Variants in KAZN observed in about 807,000 individuals in gnomAD.
KAZN encodes kazrin, periplakin interacting protein.
A neutral mutation model predicts 87.4 loss-of-function variants in KAZN; 40 were observed. That is an observed-to-expected ratio of 0.46 (90% CI 0.36 to 0.60). The LOEUF (loss-of-function observed/expected upper bound fraction) is 0.60. KAZN is among the 20% of genes least tolerant of loss of function. The pLI, the probability that KAZN is intolerant of heterozygous loss-of-function variation, is 0.00. For missense variants in KAZN, 898 were observed against 1,073.9 expected, an observed-to-expected ratio of 0.84 and a Z score of 2.29; for synonymous variants, 466 against 458.3, an observed-to-expected ratio of 1.02 and a Z score of -0.22.
At chr1:15,014,886 C>G (rs950416852) in intron 2 of KAZN, among the ~76,000 whole-genome samples, 1 of 152,108 alleles carries the variant, frequency 6.6e-6, no homozygotes, top group Non-Finnish European at 1.5e-5. Flanking sequence ...GTTGTTTTCT[C>G]GGGTCATGAG....
chr1:14,269,674 A>G (rs1651770969), intron 2 of KAZN, among the ~76,000 whole-genome samples: 1 of 152,196 alleles, frequency 6.6e-6, no homozygotes, highest in South Asian at 2.1e-4. Context: ...AAGTTGTGGA[A>G]AATTCCGTGT....
intron 2 of KAZN, among the ~76,000 whole-genome samples, chr1:14,411,492 T>C (rs112819290): frequency 0.023 from 3,505 of 152,286 alleles, 125 homozygotes; most frequent in African/African-American, 0.078. Flanking sequence ...GATGGGGTTT[T>C]GCCATGTTGG....
intron 1 of KAZN, among the ~76,000 whole-genome samples, chr1:14,129,898 C>T (rs998445637): frequency 2.0e-5 from 3 of 152,168 alleles, no homozygotes; most frequent in Non-Finnish European, 1.5e-5. Flanking sequence ...GGATGAAACT[C>T]GTTTGATCAC....
At chr1:14,698,351 G>A (rs925585113) in intron 1 of KAZN, among the ~76,000 whole-genome samples, 9 of 152,164 alleles carry the variant, frequency 5.9e-5, no homozygotes, top group African/African-American at 1.4e-4. Flanking sequence ...GGCATCTGCC[G>A]CTTGATGCCA....
At chr1:14,382,185 T>C (rs1002177346) in intron 2 of KAZN, among the ~76,000 whole-genome samples, 50 of 152,102 alleles carry the variant, frequency 3.3e-4, no homozygotes, top group African/African-American at 1.1e-3. Context: ...AAAAAAGATA[T>C]TCCATTTTCA....
intron 2 of KAZN, among the ~76,000 whole-genome samples, chr1:14,538,084 T>C (rs2211180): frequency 0.96 from 146,192 of 152,212 alleles, 70,483 homozygotes; most frequent in East Asian, 1. Flanking sequence ...GCCAAGGACC[T>C]GAGGCATCTG....
chr1:14,138,923 A>G (rs1645170897), intron 1 of KAZN, among the ~76,000 whole-genome samples: 1 of 152,226 alleles, frequency 6.6e-6, no homozygotes, highest in Non-Finnish European at 1.5e-5. Context: ...AGGGAGATTT[A>G]GAATCATACA....
chr1:14,137,706 T>TGC (rs1645139941), intron 1 of KAZN, among the ~76,000 whole-genome samples: 1 of 144,168 alleles, frequency 6.9e-6, no homozygotes, highest in Non-Finnish European at 1.5e-5. Context: ...TAAGGCTTTT[T>TGC]TTTTTTTTTT....
chr1:14,525,674 C>T (rs1038289287), intron 2 of KAZN, among the ~76,000 whole-genome samples: 2 of 147,110 alleles, frequency 1.4e-5, no homozygotes, highest in African/African-American at 2.4e-5. Context: ...GAATGCATTT[C>T]CCATAGGAAA....
At chr1:14,591,238 G>A (rs1210180879) in intron 2 of KAZN, among the ~76,000 whole-genome samples, 1 of 152,102 alleles carries the variant, frequency 6.6e-6, no homozygotes, top group Non-Finnish European at 1.5e-5. Flanking sequence ...ATGCCCAGGG[G>A]TTGAACCAGG....
At chr1:13,979,029 G>A (rs1424125694) in intron 1 of KAZN, among the ~76,000 whole-genome samples, 1 of 151,932 alleles carries the variant, frequency 6.6e-6, no homozygotes, top group African/African-American at 2.4e-5. Context: ...CTGGAAGGTT[G>A]AGGCTGCAGT....
intron 1 of KAZN, among the ~76,000 whole-genome samples, chr1:14,750,531 A>T (rs574485779): frequency 6.6e-6 from 1 of 151,656 alleles, no homozygotes; most frequent in Non-Finnish European, 1.5e-5. Flanking sequence ...ATAATCTGGG[A>T]TGCTCATTAG....
At chr1:14,873,736 G>A (rs1652440198) in intron 1 of KAZN, among the ~76,000 whole-genome samples, 1 of 152,192 alleles carries the variant, frequency 6.6e-6, no homozygotes, top group Non-Finnish European at 1.5e-5. Context: ...AAAGGCAGGT[G>A]CCGGAGACAA....
chr1:14,721,574 TGAGTA>T (rs1643108879), intron 1 of KAZN, among the ~76,000 whole-genome samples: 1 of 152,190 alleles, frequency 6.6e-6, no homozygotes, highest in Non-Finnish European at 1.5e-5. Flanking sequence ...CTGGTTGTGT[TGAGTA>T]TTTACCTCAA....
chr1:14,258,002 A>AG (rs1472124365), intron 2 of KAZN, among the ~76,000 whole-genome samples: 1 of 148,430 alleles, frequency 6.7e-6, no homozygotes, highest in Non-Finnish European at 1.5e-5. Context: ...AGAAGGGGGA[A>AG]GGGTAAGAAT....
intron 1 of KAZN, among the ~76,000 whole-genome samples, chr1:14,651,662 G>A (rs972384169): frequency 6.6e-6 from 1 of 152,200 alleles, no homozygotes; most frequent in Non-Finnish European, 1.5e-5. Flanking sequence ...CATTTGACTG[G>A]ATTTATTTTC....
chr1:13,998,432 A>G (rs527712439), intron 1 of KAZN, among the ~76,000 whole-genome samples: 2 of 152,350 alleles, frequency 1.3e-5, no homozygotes, highest in East Asian at 3.9e-4. Context: ...AGACTGGCAA[A>G]TTGGATAAAG....
intron 1 of KAZN, among the ~76,000 whole-genome samples, chr1:14,746,261 T>G (rs1644257259): frequency 1.3e-5 from 2 of 150,670 alleles, no homozygotes; most frequent in South Asian, 4.3e-4. Flanking sequence ...TCGTCATCTT[T>G]CCTCAAAAAT....
chr1:14,775,103 G>A (rs1645138491), intron 1 of KAZN, among the ~76,000 whole-genome samples: 1 of 152,174 alleles, frequency 6.6e-6, no homozygotes, highest in South Asian at 2.1e-4. Context: ...ACAATAGACA[G>A]TGCTTGGTGC....
Sources: allele counts gnomAD v4.1 joint callset (sites outside exome capture counted in the v4.1 genomes callset), GRCh38; gene constraint gnomAD v4.1.1; transcripts MANE v1.5; gene names NCBI Gene and HGNC (gene_info 2026-07-23, HGNC 2026-07-21).